Variants in TAFA1 observed in about 807,000 individuals in gnomAD.
TAFA1 encodes the protein chemokine-like protein TAFA-1.
In TAFA1, 4 loss-of-function variants were observed where a neutral mutation model predicts 18.5. The ratio of observed to expected loss-of-function variants is 0.22; its 90% CI spans 0.11 to 0.49. The LOEUF (loss-of-function observed/expected upper bound fraction) is 0.49, where lower values mean the gene tolerates loss of function less well. Ranked by LOEUF, TAFA1 falls within the 20% of genes least tolerant of loss-of-function variation. The probability of loss-of-function intolerance (pLI) is 0.98; values close to 1 mark genes in which losing one functional copy is unlikely to be tolerated. For missense variants in TAFA1, 147 were observed against 169.0 expected, an observed-to-expected ratio of 0.87 and a Z score of 0.72; for synonymous variants, 56 against 55.2, an observed-to-expected ratio of 1.01 and a Z score of -0.06.
intron 3 of TAFA1, among the ~76,000 whole-genome samples, chr3:68,484,731 A>G (rs747128027): frequency 6.6e-6 from 1 of 152,206 alleles, no homozygotes; most frequent in African/African-American, 2.4e-5. Flanking sequence ...GTAGTTTCTC[A>G]TATTTCAAAA....
chr3:68,298,629 C>G (rs2068253061), intron 2 of TAFA1, among the ~76,000 whole-genome samples: 1 of 152,154 alleles, frequency 6.6e-6, no homozygotes, highest in African/African-American at 2.4e-5. Flanking sequence ...GTGTTTTCCC[C>G]TGTGCTCTTC....
chr3:68,434,910 T>G (rs1303392744), intron 3 of TAFA1, among the ~76,000 whole-genome samples: 5 of 152,116 alleles, frequency 3.3e-5, no homozygotes, highest in Non-Finnish European at 7.4e-5. Flanking sequence ...ATCAGAAGAT[T>G]CATTCTGCAA....
chr3:68,072,711 CA>C (rs2064772235), intron 2 of TAFA1, among the ~76,000 whole-genome samples: 1 of 152,094 alleles, frequency 6.6e-6, no homozygotes, highest in African/African-American at 2.4e-5. Context: ...GGAGTTTTTA[CA>C]GATTTAGTGA....
intron 2 of TAFA1, among the ~76,000 whole-genome samples, chr3:68,217,605 G>A (rs2066675136): frequency 6.6e-6 from 1 of 151,976 alleles, no homozygotes; most frequent in South Asian, 2.1e-4. Context: ...TTAATTGTAA[G>A]AAGTGTACCA....
intron 2 of TAFA1, among the ~76,000 whole-genome samples, chr3:68,150,880 A>G (rs2065799342): frequency 6.6e-6 from 1 of 152,202 alleles, no homozygotes; most frequent in South Asian, 2.1e-4. Flanking sequence ...TTTGTTGAGC[A>G]TTAGCCCTAT....
At chr3:68,361,504 G>A (rs2069467322) in intron 2 of TAFA1, among the ~76,000 whole-genome samples, 1 of 151,876 alleles carries the variant, frequency 6.6e-6, no homozygotes, top group South Asian at 2.1e-4. Flanking sequence ...AAGTGTTATG[G>A]GCTCATAGAG....
At chr3:68,155,938 C>G (rs1234408395) in intron 2 of TAFA1, among the ~76,000 whole-genome samples, 3 of 152,112 alleles carry the variant, frequency 2.0e-5, no homozygotes, top group Non-Finnish European at 4.4e-5. Flanking sequence ...CACCTGGCAG[C>G]AGTCAGGAAC....
intron 2 of TAFA1, among the ~76,000 whole-genome samples, chr3:68,106,658 G>A (rs1051298654): frequency 6.6e-6 from 1 of 152,092 alleles, no homozygotes; most frequent in African/African-American, 2.4e-5. Flanking sequence ...AAGGCAAGTC[G>A]ATGGACTGGG....
chr3:68,389,230 A>C (rs951714125), intron 2 of TAFA1, among the ~76,000 whole-genome samples: 8 of 152,216 alleles, frequency 5.3e-5, no homozygotes, highest in African/African-American at 1.9e-4. Flanking sequence ...TCGCATGTCA[A>C]CTTAAATATA....
intron 3 of TAFA1, among the ~76,000 whole-genome samples, chr3:68,524,196 G>A (rs1575949651): frequency 6.6e-6 from 1 of 152,150 alleles, no homozygotes; most frequent in African/African-American, 2.4e-5. Flanking sequence ...ATGATGCCAG[G>A]AGGACCTCAG....
At chr3:68,508,827 T>C (rs1024596512) in intron 3 of TAFA1, among the ~76,000 whole-genome samples, 3 of 151,876 alleles carry the variant, frequency 2.0e-5, no homozygotes, top group African/African-American at 7.3e-5. Flanking sequence ...GTGGTATAGA[T>C]AGAGTTCATA....
chr3:68,067,007 G>A (rs544887427), intron 2 of TAFA1, among the ~76,000 whole-genome samples: 2 of 152,110 alleles, frequency 1.3e-5, no homozygotes, highest in Admixed American at 6.5e-5. Context: ...CAAGCAAGAC[G>A]GCCAGCTCCA....
chr3:68,538,348 C>G (rs1241584327), intron 3 of TAFA1, among the ~76,000 whole-genome samples: 1 of 152,106 alleles, frequency 6.6e-6, no homozygotes, highest in Non-Finnish European at 1.5e-5. Flanking sequence ...TTTACAAAGG[C>G]AGTTTACTTT....
intron 2 of TAFA1, among the ~76,000 whole-genome samples, chr3:68,327,382 ATTTGTAAGAAATACAT>A (rs2068794185): frequency 6.6e-6 from 1 of 152,188 alleles, no homozygotes; most frequent in South Asian, 2.1e-4. Flanking sequence ...GTAAAAATGT[ATTTGTAAGAAATACAT>A]TTTTACAAAA....
rs372933698 is a variant in TAFA1 at position 68,498,658 on chromosome 3, C to A, written c.260-40098C>A. On this transcript the variant is annotated intron_variant, in intron 3 of 4. Coordinates refer to ENST00000478136, the MANE Select transcript of TAFA1 (RefSeq NM_213609.4). The stretch of plus-strand genomic sequence containing the variant: ...GATAGTTTTCCTTCGAAGGCTGATT[C>A]AAGTAGAGGATTAGAAGAAGGCTAT... 8.3e-4 allele frequency among the ~76,000 whole-genome samples: 120 copies of A among 144,920 alleles called. No individual in the cohort carries two copies. The Middle Eastern group carries it at 0.019, about 23-fold the overall frequency.
chr3:68,146,797 G>A (rs1008104842), intron 2 of TAFA1, among the ~76,000 whole-genome samples: 3 of 152,142 alleles, frequency 2.0e-5, no homozygotes, highest in Non-Finnish European at 2.9e-5. Context: ...TACACTTGGG[G>A]AAAATCCTAC....
rs1393689155 is a variant in TAFA1, at chr3:68,242,651, A to C, written c.119-174629A>C. ...CTAACATCACAAATTTAGTTTGGGA[A>C]CTGAAAATGCCATTTATTTGTCCTA... On this transcript the variant is annotated intron_variant, in intron 2 of 4. Transcript: ENST00000478136. Among the ~76,000 whole-genome samples, 17 of 152,198 alleles carry C rather than the reference A, an allele frequency of 1.1e-4. 1 individual carries two copies. The highest frequency in any genetic ancestry group is 1.1e-3 in the Admixed American group (17 of 15,268).
At chr3:68,419,068 G>C (rs999296880) in intron 3 of TAFA1, among the ~76,000 whole-genome samples, 24 of 152,080 alleles carry the variant, frequency 1.6e-4, no homozygotes, top group African/African-American at 5.8e-4. Context: ...TCCTCGCCTC[G>C]TGAACCTCTC....
intron 2 of TAFA1, among the ~76,000 whole-genome samples, chr3:68,079,142 G>T (rs2064864125): frequency 6.6e-6 from 1 of 152,188 alleles, no homozygotes; most frequent in Non-Finnish European, 1.5e-5. Flanking sequence ...GTATTTCTGT[G>T]GGATTGGTGG....
Sources: allele counts gnomAD v4.1 joint callset (sites outside exome capture counted in the v4.1 genomes callset), GRCh38; gene constraint gnomAD v4.1.1; transcripts MANE v1.5; gene names NCBI Gene and HGNC (gene_info 2026-07-23, HGNC 2026-07-21).